Variants in SORCS3 observed in about 807,000 individuals in gnomAD.
The protein encoded by SORCS3 is VPS10 domain-containing receptor SorCS3.
SORCS3 carries 57 observed loss-of-function variants against 146.3 expected under a neutral mutation model. That is an observed-to-expected ratio of 0.39 (90% CI 0.31 to 0.49). SORCS3 has a LOEUF of 0.49. SORCS3 is among the 20% of genes least tolerant of loss of function. The pLI, the probability that SORCS3 is intolerant of heterozygous loss-of-function variation, is 0.92. For missense variants in SORCS3, 1,341 were observed against 1,575.5 expected (o/e 0.85, Z 2.52); for synonymous variants, 653 against 618.5 (o/e 1.06, Z -0.83).
intron 3 of SORCS3, among the ~76,000 whole-genome samples, chr10:104,944,867 A>G (rs2019353800): frequency 1.3e-5 from 2 of 152,188 alleles, no homozygotes; most frequent in South Asian, 2.1e-4. Context: ...ACAGAACTAC[A>G]TATGTATGTG....
At chr10:105,046,994 A>G (rs1051349589) in intron 5 of SORCS3, among the ~76,000 whole-genome samples, 1 of 152,046 alleles carries the variant, frequency 6.6e-6, no homozygotes, top group Non-Finnish European at 1.5e-5. Flanking sequence ...AGGCTCTGCT[A>G]TGGCAGAGTT....
chr10:104,858,332 T>A (rs1015492605), intron 2 of SORCS3, among the ~76,000 whole-genome samples: 63 of 152,298 alleles, frequency 4.1e-4, no homozygotes, highest in African/African-American at 1.5e-3. Context: ...TTTTTTCCTA[T>A]TTTTATATAA....
intron 22 of SORCS3, among the ~76,000 whole-genome samples, chr10:105,248,407 G>A (rs1365123954): frequency 1.3e-5 from 2 of 152,160 alleles, no homozygotes; most frequent in African/African-American, 4.8e-5. Flanking sequence ...GTTAACAGGG[G>A]CAGGATGGTG....
chr10:104,691,674 G>A (rs2016113779), intron 1 of SORCS3, among the ~76,000 whole-genome samples: 1 of 152,154 alleles, frequency 6.6e-6, no homozygotes, highest in African/African-American at 2.4e-5. Context: ...TTATTATGTG[G>A]CATGTAATTG....
At chr10:105,199,542 CATA>C (rs2056562708) in intron 14 of SORCS3, among the ~76,000 whole-genome samples, 1 of 152,150 alleles carries the variant, frequency 6.6e-6, no homozygotes, top group African/African-American at 2.4e-5. Flanking sequence ...TACCCCAACA[CATA>C]TACTTACAAT....
At chr10:104,935,699 A>G (rs975608890) in intron 3 of SORCS3, among the ~76,000 whole-genome samples, 1 of 147,628 alleles carries the variant, frequency 6.8e-6, no homozygotes, top group Admixed American at 6.7e-5. Flanking sequence ...GCTATATTGA[A>G]GCAGAGGCAA....
intron 14 of SORCS3, among the ~76,000 whole-genome samples, chr10:105,197,958 T>C (rs2056553310): frequency 6.6e-6 from 1 of 152,162 alleles, no homozygotes; most frequent in Non-Finnish European, 1.5e-5. Flanking sequence ...CAACAGAACC[T>C]TGCAGCGGAC....
intron 12 of SORCS3, among the ~76,000 whole-genome samples, chr10:105,166,109 C>T (rs1006687695): frequency 1.3e-5 from 2 of 152,110 alleles, no homozygotes; most frequent in African/African-American, 2.4e-5. Flanking sequence ...CATTGGGGCT[C>T]ATCATTAATA....
At chr10:104,744,005 A>G (rs1340579722) in intron 1 of SORCS3, among the ~76,000 whole-genome samples, 1 of 152,180 alleles carries the variant, frequency 6.6e-6, no homozygotes, top group Non-Finnish European at 1.5e-5. Flanking sequence ...TTTTGCATTT[A>G]CCCAGTTCAT....
intron 14 of SORCS3, among the ~76,000 whole-genome samples, chr10:105,185,077 A>T (rs1264079047): frequency 1.3e-5 from 2 of 152,134 alleles, no homozygotes; most frequent in Non-Finnish European, 2.9e-5. Context: ...TCCTTCGATG[A>T]TTGGCTTTTT....
At chr10:104,887,742 G>A (rs1288076074) in intron 2 of SORCS3, among the ~76,000 whole-genome samples, 2 of 152,156 alleles carry the variant, frequency 1.3e-5, no homozygotes, top group Non-Finnish European at 2.9e-5. Flanking sequence ...ACTTCTGATA[G>A]TTGTGCTCAC....
intron 1 of SORCS3, among the ~76,000 whole-genome samples, chr10:104,823,186 A>T (rs1478739449): frequency 6.6e-6 from 1 of 152,170 alleles, no homozygotes; most frequent in African/African-American, 2.4e-5. Flanking sequence ...GGGAGAACCT[A>T]GGCCATGAGC....
At chr10:104,971,019 T>C (rs995510156) in intron 3 of SORCS3, among the ~76,000 whole-genome samples, 3 of 152,180 alleles carry the variant, frequency 2.0e-5, no homozygotes, top group Non-Finnish European at 2.9e-5. Context: ...ATTCACTTGC[T>C]TATTTAGGAA....
At chr10:105,141,238 T>C (rs2056093515) in intron 8 of SORCS3, among the ~76,000 whole-genome samples, 1 of 152,004 alleles carries the variant, frequency 6.6e-6, no homozygotes, top group Non-Finnish European at 1.5e-5. Flanking sequence ...CCCGAGGCAA[T>C]TTATTGTGGT....
Position 105,214,462 on chromosome 10 carries a change from A to G in SORCS3, c.2396A>G (p.Asn799Ser). ...NSTGYRRIVSNNCTDGLREKY... is the reference protein window; with the variant it reads ...NSTGYRRIVSSNCTDGLREKY... ...CTTAGGTATCGGCGGATTGTGTCCA[A>G]CAACTGCACAGATGGGCTAAGGGAG... The change falls in exon 18 of 27, where the codon AAC (asparagine) becomes AGC (serine). Residue 799 changes from asparagine (N) to serine (S), a missense_variant. Asn to Ser is a conservative substitution (Grantham distance 46). Coordinates refer to ENST00000369701, the MANE Select transcript of SORCS3 (RefSeq NM_014978.3). 6.2e-7 allele frequency: 1 copy of G among 1,614,172 alleles called. No individual in the cohort carries two copies. The highest frequency in any genetic ancestry group is 8.5e-7 in the Non-Finnish European group (1 of 1,180,014).
chr10:105,255,186 CAAAAAAA>C (rs35150065), intron 23 of SORCS3, among the ~76,000 whole-genome samples: 4 of 32,656 alleles, frequency 1.2e-4, no homozygotes, highest in African/African-American at 2.5e-4. Flanking sequence ...GACTCAGTCT[CAAAAAAA>C]AAAAAAAAAA....
chr10:105,116,554 A>G (rs530113732), intron 7 of SORCS3, among the ~76,000 whole-genome samples: 4 of 152,324 alleles, frequency 2.6e-5, no homozygotes, highest in African/African-American at 9.6e-5. Context: ...AAAGGAAAAT[A>G]AATTGTTCTG....
At chr10:105,093,490 A>G (rs1022294606) in intron 6 of SORCS3, among the ~76,000 whole-genome samples, 7 of 152,186 alleles carry the variant, frequency 4.6e-5, no homozygotes, top group Non-Finnish European at 7.4e-5. Context: ...AAATACATGC[A>G]AATCAATATC....
At chr10:104,913,258 G>A (rs1370431205) in intron 2 of SORCS3, among the ~76,000 whole-genome samples, 4 of 152,126 alleles carry the variant, frequency 2.6e-5, no homozygotes, top group African/African-American at 4.8e-5. Context: ...TGGAAGAAGA[G>A]CATCAAATTG....
Sources: allele counts gnomAD v4.1 joint callset (sites outside exome capture counted in the v4.1 genomes callset), GRCh38; gene constraint gnomAD v4.1.1; transcripts MANE v1.5; gene names NCBI Gene and HGNC (gene_info 2026-07-23, HGNC 2026-07-21).